Variants in CHD7 observed in about 807,000 individuals in gnomAD.
The protein encoded by CHD7 is chromodomain helicase DNA binding protein 7.
Under a neutral mutation model 307.3 loss-of-function variants are expected in CHD7, and 24 were observed. The observed-to-expected ratio is 0.08, with a 90% CI of 0.06 to 0.11. CHD7 has a LOEUF of 0.11. Among genes scored for constraint, CHD7 ranks in the 10% least tolerant of loss-of-function variants. The pLI is 1.00. For missense variants in CHD7, 3,106 were observed against 3,727.1 expected (o/e 0.83, Z 4.34); for synonymous variants, 1,363 against 1,349.9 (o/e 1.01, Z -0.21).
At chr8:60,778,448 C>CT (rs35696317) in intron 2 of CHD7, among the ~76,000 whole-genome samples, 10,665 of 152,286 alleles carry the variant, frequency 0.07, 494 homozygotes, top group South Asian at 0.11. Context: ...AAAGGAGCAT[C>CT]TAACATGATT....
chr8:60,737,290 G>T (rs1808758961), intron 1 of CHD7, among the ~76,000 whole-genome samples: 1 of 152,254 alleles, frequency 6.6e-6, no homozygotes, highest in South Asian at 2.1e-4. Context: ...TTTGCTGATG[G>T]CAGCAGCAGT....
chr8:60,854,599 T>A (rs1172105448), intron 32 of CHD7, 76 bp downstream of exon 32: 16 of 1,314,838 alleles, frequency 1.2e-5, no homozygotes, highest in Non-Finnish European at 1.5e-5. Context: ...AGCTTGATTT[T>A]TCAAGTAATT....
At chr8:60,705,713 A>G (rs1468754361) in intron 1 of CHD7, among the ~76,000 whole-genome samples, 2 of 152,228 alleles carry the variant, frequency 1.3e-5, no homozygotes, top group Admixed American at 1.3e-4. Context: ...AATGCACACC[A>G]CCTGTACTTT....
At chr8:60,838,400 G>A (rs908494732) in intron 19 of CHD7, 145 bp downstream of exon 19, 4 of 739,632 alleles carry the variant, frequency 5.4e-6, no homozygotes, top group East Asian at 5.5e-5. Flanking sequence ...GGCACATGAA[G>A]CTTTCTTTAT....
chr8:60,748,051 T>C (rs1045520940), intron 2 of CHD7, among the ~76,000 whole-genome samples: 3 of 152,248 alleles, frequency 2.0e-5, no homozygotes, highest in African/African-American at 4.8e-5. Context: ...TGAACACTTA[T>C]CAAATATTGA....
At chr8:60,781,533 A>AT in intron 3 of CHD7, 103 bp downstream of exon 3, 1 of 1,387,306 alleles carries the variant, frequency 7.2e-7, no homozygotes, top group Middle Eastern at 1.9e-4. Flanking sequence ...GGACACAATG[A>AT]TTTTTGTCAT....
chr8:60,702,137 A>T (rs1563527941), intron 1 of CHD7, among the ~76,000 whole-genome samples: 2 of 152,328 alleles, frequency 1.3e-5, no homozygotes, highest in Non-Finnish European at 2.9e-5. Flanking sequence ...TAGGCAGATA[A>T]TATTCAGGCA....
chr8:60,838,915 T>C (rs1804852169), intron 19 of CHD7, among the ~76,000 whole-genome samples: 1 of 152,266 alleles, frequency 6.6e-6, no homozygotes, highest in Non-Finnish European at 1.5e-5. Flanking sequence ...TTATTTTTAA[T>C]GACTTTATTG....
intron 21 of CHD7, among the ~76,000 whole-genome samples, chr8:60,843,467 C>T (rs907198216): frequency 3.3e-5 from 5 of 152,220 alleles, no homozygotes; most frequent in Non-Finnish European, 7.3e-5. Flanking sequence ...CGAGCCCTTC[C>T]CTCTTCCCAT....
intron 7 of CHD7, among the ~76,000 whole-genome samples, chr8:60,808,519 A>T (rs947604664): frequency 7.2e-5 from 11 of 152,316 alleles, no homozygotes; most frequent in Middle Eastern, 3.4e-3. Flanking sequence ...TTTAGAGAGG[A>T]TAAAAACTTC....
At position 60,852,279 on chromosome 8, in the gene CHD7, C is replaced by G. The variant is rs41265252; in HGVS notation, c.5894+32C>G. 8.0e-3 allele frequency: 12,629 copies of G among 1,573,018 alleles called. 78 individuals carry two copies. The highest frequency in any genetic ancestry group is 0.01 in the Admixed American group (597 of 58,996). The stretch of plus-strand genomic sequence containing the variant: ...TTCTTCAAGGTTTCCACTCAGCTCC[C>G]GGTACATGCCCCTCTGCCCTGCTCC... On this transcript the variant is annotated intron_variant, in intron 29 of 37. Transcript: ENST00000423902.
Position 60,865,120 on chromosome 8 carries a change from A to G in CHD7, c.8181A>G (p.Arg2727=). ...GAAGGCCCAAAAGTGAGATCGCCAGAGCAGCCGCGGCCGCCGCTGCTGTGG... is the reference window on the plus strand; with the variant it reads ...GAAGGCCCAAAAGTGAGATCGCCAGGGCAGCCGCGGCCGCCGCTGCTGTGG... ...RGRRPKSEIA[R]AAAAAAAVAS... The change falls in exon 38 of 38, where the codon AGA becomes AGG. Residue 2727 remains arginine, a synonymous_variant. Coordinates refer to ENST00000423902, the MANE Select transcript of CHD7 (RefSeq NM_017780.4). The surrounding 1 kb of genome is among the most constrained non-coding windows in gnomAD (Gnocchi z 4.3). 1.9e-6 allele frequency: 3 copies of G among 1,611,026 alleles called. No individual in the cohort carries two copies. Among genetic ancestry groups the G allele is most frequent in the Non-Finnish European group, 2.5e-6 (3 of 1,178,730 alleles).
Position 60,866,170 on chromosome 8 carries a change from C to T in CHD7, c.*237C>T. ...GATGAAATTTGAGAGGTGATCATGTCTTTTTAAGGAAACTTACATAATGCT... is the reference window on the plus strand; with the variant it reads ...GATGAAATTTGAGAGGTGATCATGTTTTTTTAAGGAAACTTACATAATGCT... On this transcript the variant is annotated 3_prime_UTR_variant, in exon 38 of 38. Transcript: ENST00000423902. 2.7e-6 allele frequency: 1 copy of T among 367,874 alleles called. No individual in the cohort carries two copies. The highest frequency in any genetic ancestry group is 4.9e-6 in the Non-Finnish European group (1 of 205,536). 22.8% of individuals were successfully genotyped at this position (367,874 alleles called of 1,614,324 possible).
At chr8:60,829,231 G>A (rs6996775) in intron 14 of CHD7, among the ~76,000 whole-genome samples, 117,793 of 152,156 alleles carry the variant, frequency 0.77, 45,783 homozygotes, top group East Asian at 0.93. Flanking sequence ...TCAAGCCTAC[G>A]TATTTTCACT....
chr8:60,793,673 CAATA>C (rs1326652682), intron 3 of CHD7, among the ~76,000 whole-genome samples: 1 of 152,106 alleles, frequency 6.6e-6, no homozygotes, highest in Non-Finnish European at 1.5e-5. Flanking sequence ...TTACAAACTT[CAATA>C]AATAAAATTT....
chr8:60,698,932 A>G (rs1348768111), intron 1 of CHD7, among the ~76,000 whole-genome samples: 1 of 152,164 alleles, frequency 6.6e-6, no homozygotes, highest in Non-Finnish European at 1.5e-5. Flanking sequence ...GACTACAGGC[A>G]CATACCACCA....
intron 2 of CHD7, among the ~76,000 whole-genome samples, chr8:60,759,436 GCTCTCTGTCTCC>G (rs1323974657): frequency 1.9e-5 from 2 of 105,346 alleles, no homozygotes; most frequent in Non-Finnish European, 4.1e-5. Context: ...CCTCTCTCCC[GCTCTCTGTCTCC>G]CTCTCTCTCT....
At chr8:60,727,994 T>C (rs143830259) in intron 1 of CHD7, among the ~76,000 whole-genome samples, 146 of 152,340 alleles carry the variant, frequency 9.6e-4, no homozygotes, top group African/African-American at 3.2e-3. Context: ...TCTGTCTCCT[T>C]CTTTGTAGCA....
rs1322260661 is a variant in CHD7 at position 60,867,951 on chromosome 8, T to G, written c.*2018T>G. The G allele has an allele frequency of 7.2e-5, 11 of 152,204 alleles. No individual in the cohort carries two copies. The highest frequency in any genetic ancestry group is 7.2e-4 in the Admixed American group (11 of 15,286). 9.4% of individuals were successfully genotyped at this position (152,204 alleles called of 1,614,324 possible). A position where few individuals can be genotyped will look rare whatever the true frequency, so the allele number is the denominator to read the frequency against. ...AGGTCTGCATGAAGTATAGGAAATT[T>G]AAGTATTTAAGTAACAAAGATGTTA... On this transcript the variant is annotated 3_prime_UTR_variant, in exon 38 of 38. Transcript: ENST00000423902.
Sources: allele counts gnomAD v4.1 joint callset (sites outside exome capture counted in the v4.1 genomes callset), GRCh38; gene constraint gnomAD v4.1.1; non-coding constraint Gnocchi (gnomAD v3.1); transcripts MANE v1.5; gene names NCBI Gene and HGNC (gene_info 2026-07-23, HGNC 2026-07-21).